The following MUC6 variants were observed in gnomAD, a reference collection of about 807,000 sequenced individuals.
MUC6 encodes mucin 6, oligomeric mucus/gel-forming (gene/pseudogene).
A neutral mutation model predicts 201.5 loss-of-function variants in MUC6; 188 were observed. The ratio of observed to expected loss-of-function variants is 0.93; its 90% CI spans 0.83 to 1.05. The LOEUF (loss-of-function observed/expected upper bound fraction) is 1.05. MUC6 is among the 50% of genes least tolerant of loss of function. The pLI is 0.00. For synonymous variants in MUC6, 1,228 were observed against 1,389.4 expected (o/e 0.88, Z 2.58); for missense variants, 2,706 against 3,256.9 (o/e 0.83, Z 4.12).
chr11:1,018,182 G>A lies in MUC6; in HGVS notation c.4619C>T (p.Thr1540Ile), dbSNP rs778843534. 16 of 1,520,296 alleles carry A rather than the reference G, an allele frequency of 1.1e-5. No homozygotes were observed. Among genetic ancestry groups the A allele is most frequent in the Middle Eastern group, 1.8e-4 (1 of 5,666 alleles). 94.2% of individuals were successfully genotyped at this position (1,520,296 alleles called of 1,614,324 possible). Residue 1540 changes from threonine to isoleucine, a missense_variant, in exon 31 of 33, where the codon ACT becomes ATT. Transcript: ENST00000421673. ...GTTGGGAGTAATCGTGGTAGTAGAA[G>A]TTGGGGTGACTTCAGGATGGTGTGT... ...SSTHHPEVTPTSTTTITPNPT... is the reference protein window; with the variant it reads ...SSTHHPEVTPISTTTITPNPT...
chr11:1,031,796 C>T lies in MUC6; in HGVS notation c.356+17G>A, dbSNP rs772589319. Reference sequence around the variant, plus strand: ...CTCCGGCCCCCGAGCCCCCGGGCCCCGGCCCACCTGACCTACCCGATGTCC... The same window carrying T: ...CTCCGGCCCCCGAGCCCCCGGGCCCTGGCCCACCTGACCTACCCGATGTCC... On this transcript the variant is annotated intron_variant, in intron 3 of 32. Coordinates refer to ENST00000421673, the MANE Select transcript of MUC6 (RefSeq NM_005961.3). The T allele has an allele frequency of 2.7e-5, 42 of 1,576,908 alleles. No individual in the cohort carries two copies. Among genetic ancestry groups the T allele is most frequent in the African/African-American group, 1.1e-4 (8 of 74,092 alleles).
At chr11:1,030,371 C>CCCCCCCCCCCCCCCCCCCG in intron 7 of MUC6, 36 bp from the exon 8 acceptor site, 1 of 1,479,968 alleles carries the variant, frequency 6.8e-7, no homozygotes, top group South Asian at 1.2e-5. Context: ...GAGGGTCCCA[C>CCCCCCCCCCCCCCCCCCCG]CCCCCCCACC....
At chr11:1,036,527 G>C in intron 1 of MUC6, 77 bp downstream of exon 1, 1 of 1,489,462 alleles carries the variant, frequency 6.7e-7, no homozygotes, top group Non-Finnish European at 9.1e-7. Context: ...TTGTCGAGGC[G>C]AGAAGGCCCA....
At chr11:1,036,543 C>A in intron 1 of MUC6, 61 bp downstream of exon 1, 1 of 1,531,090 alleles carries the variant, frequency 6.5e-7, no homozygotes, top group South Asian at 1.2e-5. Context: ...GCCCAGAGAC[C>A]CCCGCACACA....
At position 1,027,974 on chromosome 11, in the gene MUC6, G is replaced by T; in HGVS notation, c.1839C>A (p.Pro613=). The change falls in exon 15 of 33, where the codon CCC becomes CCA. Residue 613 remains proline (P), a synonymous_variant. Transcript: ENST00000421673. The part of the protein sequence containing the change: ...ERCHATVNPA[P]FYKRCVYQAC... ...GCCCTCGGGCCCTCACCTTGTAGAA[G>T]GGTGCAGGGTTCACTGTGGCGTGGC... 6.3e-7 allele frequency: 1 copy of T among 1,576,660 alleles called. No homozygotes were observed.
rs764463853 is a variant in MUC6 at position 1,018,647 on chromosome 11, G to A, written c.4154C>T (p.Ala1385Val). Residue 1385 changes from alanine to valine, a missense_variant, in exon 31 of 33, where the codon GCC becomes GTC. By Grantham distance (64) the Ala-to-Val change is moderately conservative. Transcript: ENST00000421673. Reference sequence around the variant, plus strand: ...CGTTCTTGTTTGAGTGGTCTCTGTGGCTGTGGGCCTCGTGGGTTGTCCTGG... The same window carrying A: ...CGTTCTTGTTTGAGTGGTCTCTGTGACTGTGGGCCTCGTGGGTTGTCCTGG... ...PQPGQPTRPT[A>V]TETTQTRTTT... 5 of 1,613,406 alleles carry A rather than the reference G, an allele frequency of 3.1e-6. No homozygotes were observed. In the African/African-American group the frequency reaches 4.0e-5, roughly 13 times the overall value.
rs1388304520 is a variant in MUC6 at position 1,024,041 on chromosome 11, C to G, written c.3288G>C (p.Gly1096=). 5.0e-6 allele frequency: 8 copies of G among 1,612,932 alleles called. No homozygotes were observed. In the East Asian group the frequency reaches 1.8e-4, roughly 36 times the overall value. Residue 1096 remains glycine (G), a synonymous_variant, in exon 25 of 33, where the codon GGG becomes GGC. Coordinates refer to ENST00000421673, the MANE Select transcript of MUC6 (RefSeq NM_005961.3). ...CGGCATCGCACAGACACTCACAGTC[C>G]CCGCCACTGTCACACCCACATGCGT... ...VRDACGCDSG[G]DCECLCDAVA... is the part of the protein sequence containing the mutation.
intron 23 of MUC6, 40 bp from the exon 24 acceptor site, chr11:1,025,123 C>T: frequency 6.2e-7 from 1 of 1,612,066 alleles, no homozygotes; most frequent in East Asian, 2.2e-5. Flanking sequence ...GGGGCCGTGC[C>T]ATCTGTCTCC....
rs761337356 is a variant in MUC6 at position 1,029,282 on chromosome 11, TGTG to T, written c.1218_1220del (p.Thr407del). On this transcript the variant is annotated inframe_deletion, in exon 10 of 33. Transcript: ENST00000421673. ...GGAAGCGGTAGGGCCTGGCGTCAAATGTGGTAACAAAGGAGCCACCTTCCAGGG... is the reference window on the plus strand; with the variant it reads ...GGAAGCGGTAGGGCCTGGCGTCAAATGTAACAAAGGAGCCACCTTCCAGGG... 3.7e-6 allele frequency: 6 copies of T among 1,607,026 alleles called. No individual in the cohort carries two copies. The highest frequency in any genetic ancestry group is 1.1e-5 in the South Asian group (1 of 89,902).
At chr11:1,031,117 G>GGGC in intron 5 of MUC6, 52 bp downstream of exon 5, 9 of 1,230,394 alleles carry the variant, frequency 7.3e-6, no homozygotes, top group Non-Finnish European at 7.3e-6. Flanking sequence ...CCCCTGCCCT[G>GGGC]CCCCCCACCT....
chr11:1,023,451 C>A, intron 26 of MUC6, 58 bp downstream of exon 26: 1 of 1,528,744 alleles, frequency 6.5e-7, no homozygotes, highest in Admixed American at 2.0e-5. Flanking sequence ...AATGAATGTG[C>A]ATGAATGAGT....
At chr11:1,022,296 C>T (rs77649576) in intron 26 of MUC6, among the ~76,000 whole-genome samples, 128 of 147,080 alleles carry the variant, frequency 8.7e-4, no homozygotes, top group Non-Finnish European at 1.3e-3. Context: ...TACAGCCCCG[C>T]GCCCCTCACT....
rs1379487572 is a variant in MUC6, at chr11:1,029,122, A to G, written c.1304T>C (p.Leu435Pro). 1 of 1,612,190 alleles carries G rather than the reference A, an allele frequency of 6.2e-7. No individual in the cohort carries two copies. Among genetic ancestry groups the G allele is most frequent in the Non-Finnish European group, 8.5e-7 (1 of 1,179,654 alleles). Reference sequence around the variant, plus strand: ...GCCGGACTTGTCGTACACAGCCATGAGGGCACCGTCCTCGGGAAGCTGGGG... The same window carrying G: ...GCCGGACTTGTCGTACACAGCCATGGGGGCACCGTCCTCGGGAAGCTGGGG... ...QSPQLPEDGA[L>P]MAVYDKSGVS... Residue 435 changes from leucine (L) to proline (P), a missense_variant, in exon 11 of 33, where the codon CTC (leucine) becomes CCC (proline). Physicochemically the swap from Leu to Pro is moderately conservative, Grantham distance 98. Transcript: ENST00000421673.
chr11:1,031,622 A>G lies in MUC6; in HGVS notation c.468T>C (p.Pro156=). 1 of 1,549,032 alleles carries G rather than the reference A, an allele frequency of 6.5e-7. No individual in the cohort carries two copies. Among genetic ancestry groups the G allele is most frequent in the Non-Finnish European group, 8.7e-7 (1 of 1,147,064 alleles). The part of the protein sequence containing the change: ...LELELEVVWG[P]DSHLMVLVER... ...CTCTCCTCACCATGAGGTGGCTGTC[A>G]GGACCCCACACGACTTCCAGCTCCA... Residue 156 remains proline, a synonymous_variant, in exon 4 of 33, where the codon CCT becomes CCC. Transcript: ENST00000421673.
intron 20 of MUC6, 91 bp from the exon 21 acceptor site, chr11:1,026,232 G>GC: frequency 6.6e-7 from 1 of 1,511,360 alleles, no homozygotes; most frequent in Non-Finnish European, 8.9e-7. Context: ...ACCTCTGGAC[G>GC]CCCCCGCCTC....
At position 1,033,087 on chromosome 11, in the gene MUC6, G is replaced by T. The variant is rs1183103421; in HGVS notation, c.53-12C>A. 3 of 1,613,210 alleles carry T rather than the reference G, an allele frequency of 1.9e-6. No homozygotes were observed. The highest frequency in any genetic ancestry group is 2.2e-5 in the South Asian group (2 of 91,062). ...GGTGTTAGCCAGACCTGTGTGGACGGGACCCGCAGTCGGTGTGGGGCTACC... is the reference window on the plus strand; with the variant it reads ...GGTGTTAGCCAGACCTGTGTGGACGTGACCCGCAGTCGGTGTGGGGCTACC... On this transcript the variant is annotated splice_polypyrimidine_tract_variant and intron_variant, in intron 1 of 32. Transcript: ENST00000421673. The surrounding 1 kb of genome is among the most constrained non-coding windows in gnomAD (Gnocchi z 5.6).
At chr11:1,030,388 T>TGCCCCACCCC (rs1491321658) in intron 7 of MUC6, 53 bp from the exon 8 acceptor site, 25 of 539,722 alleles carry the variant, frequency 4.6e-5, no homozygotes, top group Non-Finnish European at 6.1e-5. Flanking sequence ...CACCCCTCCC[T>TGCCCCACCCC]GCCCCACCCC....
At chr11:1,014,150 G>C in intron 31 of MUC6, 149 bp from the exon 32 acceptor site, 1 of 674,762 alleles carries the variant, frequency 1.5e-6, no homozygotes, top group Non-Finnish European at 2.5e-6. Flanking sequence ...ACAGAGCTCA[G>C]ACCTCAGCCA....
At chr11:1,024,246 C>T in intron 24 of MUC6, 143 bp from the exon 25 acceptor site, 1 of 1,034,944 alleles carries the variant, frequency 9.7e-7, no homozygotes, top group South Asian at 1.6e-5. Context: ...CCACGTGGAC[C>T]TCAGCCCTGA....
Sources: allele counts gnomAD v4.1 joint callset (sites outside exome capture counted in the v4.1 genomes callset), GRCh38; gene constraint gnomAD v4.1.1; non-coding constraint Gnocchi (gnomAD v3.1); transcripts MANE v1.5; gene names NCBI Gene and HGNC (gene_info 2026-07-23, HGNC 2026-07-21).